FAP: variants seen among roughly 807,000 people sequenced by gnomAD.
FAP encodes fibroblast activation protein alpha, also known as prolyl endopeptidase FAP.
FAP carries 110 observed loss-of-function variants against 126.5 expected under a neutral mutation model. That is an observed-to-expected ratio of 0.87 (90% CI 0.74 to 1.02). FAP has a LOEUF of 1.02. Ranked by LOEUF, FAP falls within the 50% of genes least tolerant of loss-of-function variation. The probability of loss-of-function intolerance (pLI) is 0.00; values close to 1 mark genes in which losing one functional copy is unlikely to be tolerated. For missense variants in FAP, 919 were observed against 909.2 expected, an observed-to-expected ratio of 1.01 and a Z score of -0.14; for synonymous variants, 334 against 297.3, an observed-to-expected ratio of 1.12 and a Z score of -1.27.
rs905042123 is a variant in FAP at position 162,189,142 on chromosome 2, T to G, written c.1580A>C (p.Gln527Pro). The G allele has an allele frequency of 6.2e-7, 1 of 1,603,730 alleles. No homozygotes were observed. Among genetic ancestry groups the G allele is most frequent in the Non-Finnish European group, 8.5e-7 (1 of 1,174,388 alleles). ...TLWYKMILPP[Q>P]FDRSKKYPLL... Reference sequence around the variant, plus strand: ...GGGATACTTCTTTGATCTGTCAAATTGAGGAGGAAGAATCATCTTGTACCA... The same window carrying G: ...GGGATACTTCTTTGATCTGTCAAATGGAGGAGGAAGAATCATCTTGTACCA... The change falls in exon 19 of 26, where the codon CAA becomes CCA. Residue 527 changes from glutamine to proline, a missense_variant. Transcript: ENST00000188790.
intron 12 of FAP, among the ~76,000 whole-genome samples, chr2:162,203,842 C>T (rs1308565597): frequency 6.6e-6 from 1 of 152,170 alleles, no homozygotes; most frequent in Non-Finnish European, 1.5e-5. Context: ...ACAGAACAAG[C>T]CACACCTCAA....
intron 2 of FAP, among the ~76,000 whole-genome samples, chr2:162,242,305 A>C (rs1690385366): frequency 6.6e-6 from 1 of 152,230 alleles, no homozygotes; most frequent in African/African-American, 2.4e-5. Flanking sequence ...GATCAGTGTC[A>C]ATCTAAGCCT....
intron 17 of FAP, chr2:162,194,244 T>C (rs2106233743): frequency 6.6e-6 from 1 of 151,040 alleles, no homozygotes; most frequent in Middle Eastern, 3.4e-3. Context: ...AAGTTACATG[T>C]AGAATTTGTT....
chr2:162,200,581 CT>C lies in FAP; in HGVS notation c.1261del (p.Arg421GlufsTer23). 6.8e-7 allele frequency: 1 copy of C among 1,478,752 alleles called. No individual in the cohort carries two copies. Among genetic ancestry groups the C allele is most frequent in the Non-Finnish European group, 9.3e-7 (1 of 1,079,470 alleles). 91.6% of individuals were successfully genotyped at this position (1,478,752 alleles called of 1,614,324 possible). On this transcript the variant is annotated frameshift_variant, in exon 15 of 26. Transcript: ENST00000188790. LOFTEE classifies it high-confidence loss of function. ...SSNEFEEYPGRRNIYRISIGS... is the reference protein window; with the variant it reads ...SSNEFEEYPGXRNIYRISIGS... The stretch of plus-strand genomic sequence containing the variant: ...CATAAATTACCTGTAGATGTTTCTT[CT>C]TCCAGGGTATTCTTCAAATTCATTG...
chr2:162,171,142 C>CT (rs1687291701), intron 25 of FAP, 62 bp from the exon 26 acceptor site: 2 of 1,276,750 alleles, frequency 1.6e-6, no homozygotes, highest in Non-Finnish European at 2.3e-6. Flanking sequence ...TTAGCTTGGA[C>CT]TTTTTTGTGC....
Position 162,173,773 on chromosome 2 carries a change from C to G in FAP, c.1984G>C (p.Glu662Gln), listed in dbSNP as rs753841627. 1 of 1,601,916 alleles carries G rather than the reference C, an allele frequency of 6.2e-7. No homozygotes were observed. The highest frequency in any genetic ancestry group is 2.2e-5 in the East Asian group (1 of 44,764). ...TTTGTTGGGAGACCCATGAATCTCTCTGTGTAGACAGACGCTATAAAATAT... is the reference window on the plus strand; with the variant it reads ...TTTGTTGGGAGACCCATGAATCTCTGTGTGTAGACAGACGCTATAAAATAT... ...SWEYYASVYT[E>Q]RFMGLPTKDD... The change falls in exon 23 of 26, where the codon GAG becomes CAG. Residue 662 changes from glutamate (E) to glutamine (Q), a missense_variant. Transcript: ENST00000188790.
At chr2:162,230,508 G>A (rs922110126) in intron 2 of FAP, among the ~76,000 whole-genome samples, 6 of 151,474 alleles carry the variant, frequency 4.0e-5, no homozygotes, top group African/African-American at 1.5e-4. Context: ...TAGCATGGGA[G>A]CTCAATAAAT....
At chr2:162,193,459 G>A (rs994116910) in intron 17 of FAP, 1 of 152,140 alleles carries the variant, frequency 6.6e-6, no homozygotes, top group Non-Finnish European at 1.5e-5. Flanking sequence ...ACACAGATCT[G>A]CCAGGAATCT....
intron 21 of FAP, among the ~76,000 whole-genome samples, chr2:162,180,888 C>G (rs1186289568): frequency 6.6e-6 from 1 of 152,100 alleles, no homozygotes; most frequent in African/African-American, 2.4e-5. Flanking sequence ...TGGAAGTCAT[C>G]ATCATCTTTG....
At position 162,242,952 on chromosome 2, in the gene FAP, A is replaced by G; in HGVS notation, c.47T>C (p.Val16Ala). The change falls in exon 2 of 26, where the codon GTG (valine) becomes GCG (alanine). Residue 16 changes from valine to alanine, a missense_variant. Val to Ala is a moderately conservative substitution (Grantham distance 64). Transcript: ENST00000188790. The stretch of plus-strand genomic sequence containing the variant: ...AATGCACATCACCAATAAGGCAAGC[A>G]CAGCAGAGGTGGCAACTCCAAATAC... ...KIVFGVATSA[V>A]LALLVMCIVL... The G allele has an allele frequency of 6.2e-7, 1 of 1,613,274 alleles. No homozygotes were observed. The highest frequency in any genetic ancestry group is 8.5e-7 in the Non-Finnish European group (1 of 1,179,484).
chr2:162,224,530 T>C lies in FAP; in HGVS notation c.296A>G (p.Asn99Ser). ...ILSNRTMKSV[N>S]ASNYGLSPDR... is the part of the protein sequence containing the mutation. ...AGGTGATAAGCCGTAATTTGAAGCATTCACACTTTTCTGAAATTATGAAGA... is the reference window on the plus strand; with the variant it reads ...AGGTGATAAGCCGTAATTTGAAGCACTCACACTTTTCTGAAATTATGAAGA... Residue 99 changes from asparagine to serine, a missense_variant, in exon 5 of 26, where the codon AAT becomes AGT. Asn to Ser is a conservative substitution (Grantham distance 46). Coordinates refer to ENST00000188790, the MANE Select transcript of FAP (RefSeq NM_004460.5). 1 of 1,589,960 alleles carries C rather than the reference T, an allele frequency of 6.3e-7. No homozygotes were observed. Among genetic ancestry groups the C allele is most frequent in the Non-Finnish European group, 8.6e-7 (1 of 1,169,344 alleles).
intron 2 of FAP, among the ~76,000 whole-genome samples, chr2:162,229,249 C>G (rs1292240647): frequency 6.6e-6 from 1 of 152,072 alleles, no homozygotes; most frequent in Non-Finnish European, 1.5e-5. Flanking sequence ...ACTAAAACAT[C>G]TAGCTCTATG....
intron 17 of FAP, among the ~76,000 whole-genome samples, chr2:162,192,894 C>T (rs902021622): frequency 5.3e-5 from 8 of 152,144 alleles, no homozygotes; most frequent in Admixed American, 5.2e-4. Flanking sequence ...CCTAACCCCC[C>T]AAACCCAGAT....
rs1201557084 is a variant in FAP, at chr2:162,221,593, C to T, written c.414-1668G>A. ...GTTCTCAAGCTAGTGCTCATGTTAC[C>T]TTTCATACTGTAACATTGTCTCAGT... On this transcript the variant is annotated intron_variant, in intron 6 of 25. Coordinates refer to ENST00000188790, the MANE Select transcript of FAP (RefSeq NM_004460.5). The T allele has an allele frequency of 6.7e-6, 3 of 447,886 alleles. No individual in the cohort carries two copies. In the Admixed American group the frequency reaches 7.3e-5, roughly 11 times the overall value. 27.7% of individuals were successfully genotyped at this position (447,886 alleles called of 1,614,324 possible). A position where few individuals can be genotyped will look rare whatever the true frequency, so the allele number is the denominator to read the frequency against.
At chr2:162,191,557 G>T (rs1372514129) in intron 17 of FAP, among the ~76,000 whole-genome samples, 2 of 152,050 alleles carry the variant, frequency 1.3e-5, no homozygotes, top group Non-Finnish European at 2.9e-5. Flanking sequence ...CTAGTATCTG[G>T]CATGTAGTAT....
intron 11 of FAP, among the ~76,000 whole-genome samples, chr2:162,211,843 G>A (rs1343654044): frequency 2.0e-5 from 3 of 151,914 alleles, no homozygotes; most frequent in African/African-American, 7.3e-5. Context: ...TTTGTTTGGG[G>A]CATGACTCTC....
chr2:162,238,556 A>G (rs1170574950), intron 2 of FAP, among the ~76,000 whole-genome samples: 1 of 152,188 alleles, frequency 6.6e-6, no homozygotes, highest in Non-Finnish European at 1.5e-5. Flanking sequence ...TATCTTGACT[A>G]AAAAGCTCTT....
chr2:162,185,055 C>T (rs1014284454), intron 20 of FAP, among the ~76,000 whole-genome samples: 1 of 152,174 alleles, frequency 6.6e-6, no homozygotes, highest in Admixed American at 6.6e-5. Context: ...GCTAGATAAT[C>T]TTAGCACTTC....
Position 162,188,315 on chromosome 2 carries a change from A to G in FAP, c.1668T>C (p.Asn556=). 6.2e-7 allele frequency: 1 copy of G among 1,613,344 alleles called. No homozygotes were observed. Among genetic ancestry groups the G allele is most frequent in the Non-Finnish European group, 8.5e-7 (1 of 1,179,530 alleles). The change falls in exon 20 of 26, where the codon AAT becomes AAC. Residue 556 remains asparagine (N), a synonymous_variant. Coordinates refer to ENST00000188790, the MANE Select transcript of FAP (RefSeq NM_004460.5). ...CCTTACTTGCAAGATAAGATATCCA[A>G]TTAACAGCAAATACAGACCTTACAC... ...SQSVRSVFAV[N]WISYLASKEG...
Sources: gnomAD v4.1 joint callset for allele counts (sites outside exome capture counted in the v4.1 genomes callset) on GRCh38, gnomAD v4.1.1 for gene constraint, MANE v1.5 for transcripts, NCBI Gene and HGNC (gene_info 2026-07-23, HGNC 2026-07-21) for gene names.